The following AKR1C1 variants were observed in gnomAD, a reference collection of about 807,000 sequenced individuals.
The protein encoded by AKR1C1 is 20 alpha-hydroxysteroid dehydrogenase.
Under a neutral mutation model 40.6 loss-of-function variants are expected in AKR1C1, and 32 were observed. The observed-to-expected ratio is 0.79, with a 90% CI of 0.60 to 1.06. AKR1C1 has a LOEUF of 1.06. Ranked by LOEUF, AKR1C1 falls within the 50% of genes least tolerant of loss-of-function variation. The pLI, the probability that AKR1C1 is intolerant of heterozygous loss-of-function variation, is 0.00. For missense variants in AKR1C1, 320 were observed against 363.5 expected, an observed-to-expected ratio of 0.88 and a Z score of 0.97; for synonymous variants, 105 against 134.2, an observed-to-expected ratio of 0.78 and a Z score of 1.50.
At chr10:4,967,245 A>T (rs1344920143) in intron 3 of AKR1C1, 75 of 1,018,812 alleles carry the variant, frequency 7.4e-5, no homozygotes, top group Middle Eastern at 2.9e-4. Context: ...ATAAGAAAAG[A>T]AAGTGCAGAA....
chr10:4,973,267 G>A (rs1411607042), intron 7 of AKR1C1, among the ~76,000 whole-genome samples: 1 of 151,304 alleles, frequency 6.6e-6, no homozygotes, highest in Non-Finnish European at 1.5e-5. Context: ...ACTTAATATA[G>A]AGGCTTAATG....
At chr10:4,968,766 C>G in intron 4 of AKR1C1, 56 bp from the exon 5 acceptor site, 1 of 1,613,056 alleles carries the variant, frequency 6.2e-7, no homozygotes, top group Non-Finnish European at 8.5e-7. Context: ...GTTACTTTCA[C>G]AGTTCTGTGT....
intron 8 of AKR1C1, among the ~76,000 whole-genome samples, chr10:4,976,316 A>G (rs1433187458): frequency 7.2e-5 from 11 of 152,092 alleles, no homozygotes; most frequent in Admixed American, 3.9e-4. Context: ...GTTCTTCCCA[A>G]CCTGCTCAAT....
intron 8 of AKR1C1, among the ~76,000 whole-genome samples, chr10:4,976,968 C>A (rs1168737059): frequency 6.6e-6 from 1 of 152,144 alleles, no homozygotes; most frequent in African/African-American, 2.4e-5. Context: ...ATCATGAAAT[C>A]AATCACTAGT....
chr10:4,974,433 C>T (rs1224790974), intron 7 of AKR1C1, among the ~76,000 whole-genome samples: 2 of 151,796 alleles, frequency 1.3e-5, no homozygotes, highest in African/African-American at 2.4e-5. Context: ...AGTTTCTATC[C>T]TTCATGTAGA....
Position 4,981,713 on chromosome 10 carries a change from C to G in AKR1C1, c.*3971C>G, listed in dbSNP as rs769106284. On this transcript the variant is annotated 3_prime_UTR_variant, in exon 9 of 9. Coordinates refer to ENST00000380872, the MANE Select transcript of AKR1C1 (RefSeq NM_001353.6). ...CAGAGCATACATCCCCACTGGGGATCTGGAAATTCAGGCCACAAGAGAAGG... is the reference window on the plus strand; with the variant it reads ...CAGAGCATACATCCCCACTGGGGATGTGGAAATTCAGGCCACAAGAGAAGG... 6.6e-6 allele frequency: 1 copy of G among 152,208 alleles called. No individual in the cohort carries two copies. Among genetic ancestry groups the G allele is most frequent in the African/African-American group, 2.4e-5 (1 of 41,466 alleles). 9.4% of individuals were successfully genotyped at this position (152,208 alleles called of 1,614,324 possible). A position where few individuals can be genotyped will look rare whatever the true frequency, so the allele number is the denominator to read the frequency against.
At chr10:4,963,640 G>C in intron 1 of AKR1C1, 112 bp downstream of exon 1, 1 of 951,836 alleles carries the variant, frequency 1.1e-6, no homozygotes, top group Non-Finnish European at 1.6e-6. Context: ...CCCTTTAAAC[G>C]TCAGTCTTTG....
intron 7 of AKR1C1, among the ~76,000 whole-genome samples, chr10:4,974,927 C>T (rs1263774775): frequency 1.3e-5 from 2 of 152,030 alleles, no homozygotes; most frequent in East Asian, 3.9e-4. Flanking sequence ...CTTCCACAAG[C>T]AAATAAATGT....
At chr10:4,974,052 A>G (rs1836484648) in intron 7 of AKR1C1, among the ~76,000 whole-genome samples, 1 of 151,646 alleles carries the variant, frequency 6.6e-6, no homozygotes, top group Non-Finnish European at 1.5e-5. Context: ...ATAATGATAC[A>G]GAGAATGAGA....
At chr10:4,973,916 A>G (rs1836481008) in intron 7 of AKR1C1, among the ~76,000 whole-genome samples, 2 of 14,692 alleles carry the variant, frequency 1.4e-4, no homozygotes, top group South Asian at 2.7e-3. Flanking sequence ...TATATGAAAT[A>G]TCATATATGA....
chr10:4,969,111 A>T (rs1236078218), intron 5 of AKR1C1, among the ~76,000 whole-genome samples, 167 bp downstream of exon 5: 1 of 152,240 alleles, frequency 6.6e-6, no homozygotes, highest in Non-Finnish European at 1.5e-5. Context: ...TACCCGGCTT[A>T]GAAAAGTCTT....
intron 3 of AKR1C1, chr10:4,967,249 T>C: frequency 9.8e-7 from 1 of 1,015,300 alleles, no homozygotes; most frequent in Non-Finnish European, 1.3e-6. Flanking sequence ...GAAAAGAAAG[T>C]GCAGAACTCT....
At chr10:4,973,925 G>T (rs555656462) in intron 7 of AKR1C1, among the ~76,000 whole-genome samples, 68 of 145,226 alleles carry the variant, frequency 4.7e-4, no homozygotes, top group African/African-American at 1.7e-3. Flanking sequence ...TATCATATAT[G>T]ATATATATTA....
chr10:4,965,099 G>A (rs1836309730), intron 1 of AKR1C1, among the ~76,000 whole-genome samples: 1 of 152,228 alleles, frequency 6.6e-6, no homozygotes, highest in Admixed American at 6.5e-5. Flanking sequence ...TATGTAGAGA[G>A]CATCTCTTGT....
In AKR1C1 at chr10:4,980,043, C is replaced by A. The variant is rs1346139472; in HGVS notation, c.*2301C>A. ...AAATAAGTATAATTCTAAGCTAATA[C>A]GTATGCAATGTAGGAAGCTGTAATT... On this transcript the variant is annotated 3_prime_UTR_variant, in exon 9 of 9. Transcript: ENST00000380872. The A allele has an allele frequency of 6.7e-6, 1 of 149,720 alleles. No individual in the cohort carries two copies. The highest frequency in any genetic ancestry group is 1.5e-5 in the Non-Finnish European group (1 of 67,068). 9.3% of individuals were successfully genotyped at this position (149,720 alleles called of 1,614,324 possible).
intron 8 of AKR1C1, among the ~76,000 whole-genome samples, chr10:4,976,533 C>A (rs1836528651): frequency 6.6e-6 from 1 of 152,140 alleles, no homozygotes; most frequent in South Asian, 2.1e-4. Flanking sequence ...CGAATAGGAG[C>A]ACTTGGCCTT....
Position 4,979,372 on chromosome 10 carries a change from C to T in AKR1C1, c.*1630C>T, listed in dbSNP as rs551807680. 6.6e-6 allele frequency: 1 copy of T among 152,298 alleles called. No homozygotes were observed. Among genetic ancestry groups the T allele is most frequent in the Non-Finnish European group, 1.5e-5 (1 of 68,022 alleles). The allele number at this position is 152,298 out of a possible 1,614,324, so 9.4% of individuals were successfully genotyped here. ...CTGCAATAGAAGATCACAATGTGAA[C>T]TCTGCATCTCCATGTTAAAGTCTAA... On this transcript the variant is annotated 3_prime_UTR_variant, in exon 9 of 9. Coordinates refer to ENST00000380872, the MANE Select transcript of AKR1C1 (RefSeq NM_001353.6).
chr10:4,977,926 T>A lies in AKR1C1; in HGVS notation c.*184T>A. 1.2e-6 allele frequency: 1 copy of A among 861,812 alleles called. No homozygotes were observed. Among genetic ancestry groups the A allele is most frequent in the South Asian group, 1.8e-5 (1 of 54,288 alleles). 53.4% of individuals were successfully genotyped at this position (861,812 alleles called of 1,614,324 possible). A position where few individuals can be genotyped will look rare whatever the true frequency, so the allele number is the denominator to read the frequency against. On this transcript the variant is annotated 3_prime_UTR_variant, in exon 9 of 9. Coordinates refer to ENST00000380872, the MANE Select transcript of AKR1C1 (RefSeq NM_001353.6). ...AAGACAATAATTTTGTTTTTTCATT[T>A]TGAAAAAATTAAATGCTCTCTCCTA...
At chr10:4,964,582 T>G (rs1393427361) in intron 1 of AKR1C1, among the ~76,000 whole-genome samples, 1 of 152,208 alleles carries the variant, frequency 6.6e-6, no homozygotes. Context: ...AACAGTTTGC[T>G]TTGTTTCTGT....
Sources: gnomAD v4.1 joint callset for allele counts (sites outside exome capture counted in the v4.1 genomes callset) on GRCh38, gnomAD v4.1.1 for gene constraint, MANE v1.5 for transcripts, NCBI Gene and HGNC (gene_info 2026-07-23, HGNC 2026-07-21) for gene names.